Variants in OR2B11 observed in about 807,000 individuals in gnomAD.
The protein encoded by OR2B11 is olfactory receptor family 2 subfamily B member 11, also known as olfactory receptor 2B11.
For missense variants in OR2B11, 422 were observed against 400.0 expected (o/e 1.05, Z -0.47); for synonymous variants, 198 against 174.5 (o/e 1.13, Z -1.06).
chr1:247,451,623 G>A lies in OR2B11; in HGVS notation c.360C>T (p.Ala120=), dbSNP rs73140588. ...CCACGTAGCGGTCCAGGGCCATGGC[G>A]GCCAGGACGATGCACTCCGTGCATC... ...WLGCTECIVL[A]AMALDRYVAI... is the part of the protein sequence containing the mutation. The change falls in exon 2 of 2, where the codon GCC becomes GCT. Residue 120 remains alanine (A), a synonymous_variant. Coordinates refer to ENST00000641149, the MANE Select transcript of OR2B11 (RefSeq NM_001004492.2). 1.4e-4 allele frequency: 223 copies of A among 1,614,032 alleles called. No individual in the cohort carries two copies. In the African/African-American group the frequency reaches 2.6e-3, roughly 19 times the overall value.
chr1:247,457,305 T>A (rs1337592876), intron 1 of OR2B11, among the ~76,000 whole-genome samples: 1 of 152,232 alleles, frequency 6.6e-6, no homozygotes, highest in South Asian at 2.1e-4. Context: ...GTGACTGTGA[T>A]TCAGCAGCCT....
chr1:247,451,654 C>T lies in OR2B11; in HGVS notation c.329G>A (p.Trp110Ter), dbSNP rs1664850189. ...GACGATGCACTCCGTGCATCCCAGCCAGTGGAAGACTGCATATTGCACAGT... is the reference window on the plus strand; with the variant it reads ...GACGATGCACTCCGTGCATCCCAGCTAGTGGAAGACTGCATATTGCACAGT... ...GCTVQYAVFH[W>*]LGCTECIVLA... The change falls in exon 2 of 2, where the codon TGG becomes TAG. Residue 110 changes from tryptophan (W) to a stop codon, truncating the protein, a stop_gained. Transcript: ENST00000641149. LOFTEE classifies it low-confidence loss of function (END_TRUNC). 1.9e-6 allele frequency: 3 copies of T among 1,614,186 alleles called. No individual in the cohort carries two copies. Among genetic ancestry groups the T allele is most frequent in the South Asian group, 1.1e-5 (1 of 91,090 alleles).
Position 247,451,796 on chromosome 1 carries a change from T to C in OR2B11, c.187A>G (p.Met63Val), listed in dbSNP as rs200595761. Residue 63 changes from methionine to valine, a missense_variant, in exon 2 of 2, where the codon ATG becomes GTG. Coordinates refer to ENST00000641149, the MANE Select transcript of OR2B11 (RefSeq NM_001004492.2). ...SRVDPQLHSPMYIFLSHLSFL... is the reference protein window; with the variant it reads ...SRVDPQLHSPVYIFLSHLSFL... ...GACAGGTGACTGAGGAAGATGTACATGGGGCTGTGGAGTTGAGGATCCACC... is the reference window on the plus strand; with the variant it reads ...GACAGGTGACTGAGGAAGATGTACACGGGGCTGTGGAGTTGAGGATCCACC... 20 of 1,614,120 alleles carry C rather than the reference T, an allele frequency of 1.2e-5. No individual in the cohort carries two copies. The East Asian group carries it at 2.5e-4, about 20-fold the overall frequency.
In OR2B11 at chr1:247,451,559, G is replaced by A. The variant is rs1176606734; in HGVS notation, c.424C>T (p.Arg142Cys). 3.7e-6 allele frequency: 6 copies of A among 1,614,002 alleles called. No homozygotes were observed. Among genetic ancestry groups the A allele is most frequent in the African/African-American group, 1.3e-5 (1 of 75,068 alleles). The part of the protein sequence containing the change: ...KPLHYAVLMH[R>C]ALCQQLVALA... ...GCCACGAGCTGCTGACAGAGAGCAC[G>A]GTGCATGAGAACGGCATAGTGCAGG... is the stretch of plus-strand genomic sequence containing the variant. The change falls in exon 2 of 2, where the codon CGT (arginine) becomes TGT (cysteine). Residue 142 changes from arginine to cysteine, a missense_variant. By Grantham distance (180) the Arg-to-Cys change is radical. Coordinates refer to ENST00000641149, the MANE Select transcript of OR2B11 (RefSeq NM_001004492.2).
rs12405421 is a variant in OR2B11, at chr1:247,450,266, A to G, written c.*763T>C. On this transcript the variant is annotated 3_prime_UTR_variant, in exon 2 of 2. Coordinates refer to ENST00000641149, the MANE Select transcript of OR2B11 (RefSeq NM_001004492.2). The stretch of plus-strand genomic sequence containing the variant: ...CTCCCAAAGTGCTGGGATTACAGGC[A>G]TGAGCCACTGCGCCCAGATGGTTCC... 5,066 of 152,348 alleles carry G rather than the reference A, an allele frequency of 0.033. 137 individuals carry two copies. The highest frequency in any genetic ancestry group is 0.067 in the Admixed American group (1,029 of 15,300). The allele number at this position is 152,348 out of a possible 1,614,324, so 9.4% of individuals were successfully genotyped here.
In OR2B11 at chr1:247,452,016, A is replaced by G. The variant is rs1664860888; in HGVS notation, c.-34T>C. 1 of 1,332,054 alleles carries G rather than the reference A, an allele frequency of 7.5e-7. No homozygotes were observed. Among genetic ancestry groups the G allele is most frequent in the Admixed American group, 1.7e-5 (1 of 58,434 alleles). 82.5% of individuals were successfully genotyped at this position (1,332,054 alleles called of 1,614,324 possible). On this transcript the variant is annotated 5_prime_UTR_variant, in exon 2 of 2. Coordinates refer to ENST00000641149, the MANE Select transcript of OR2B11 (RefSeq NM_001004492.2). ...ATTTTCTGGCACTTGTGGCAAATTG[A>G]GAAAATTGGAATGAATAATACCTGA...
chr1:247,455,433 T>C (rs1027215024), intron 1 of OR2B11, among the ~76,000 whole-genome samples: 2 of 152,232 alleles, frequency 1.3e-5, no homozygotes, highest in Non-Finnish European at 2.9e-5. Context: ...CAAGGCTTAA[T>C]GATAGCAGTA....
rs1468395821 is a variant in OR2B11, at chr1:247,451,273, C to T, written c.710G>A (p.Gly237Glu). The T allele has an allele frequency of 1.2e-6, 2 of 1,613,978 alleles. No individual in the cohort carries two copies. The highest frequency in any genetic ancestry group is 1.7e-6 in the Non-Finnish European group (2 of 1,179,912). ...ACACGTCCCAAAGGCCTTGTGTCGT[C>T]CCTTGGAGGACTGGATCCTGAGCAC... ...RAVLRIQSSK[G>E]RHKAFGTCSS... Residue 237 changes from glycine to glutamate, a missense_variant, in exon 2 of 2, where the codon GGA (glycine) becomes GAA (glutamate). Coordinates refer to ENST00000641149, the MANE Select transcript of OR2B11 (RefSeq NM_001004492.2).
rs116087588 is a variant in OR2B11, at chr1:247,454,733, G to A, written c.-2751C>T. 811 of 152,314 alleles carry A rather than the reference G, an allele frequency of 5.3e-3. 6 individuals are homozygous for A. The highest frequency in any genetic ancestry group is 0.01 in the Non-Finnish European group (683 of 68,056). 9.4% of individuals were successfully genotyped at this position (152,314 alleles called of 1,614,324 possible). Reference sequence around the variant, plus strand: ...TGTGATCCCACCACAATGTTGCATCGTTGCAGGCACGCACTGTCTGTATCC... The same window carrying A: ...TGTGATCCCACCACAATGTTGCATCATTGCAGGCACGCACTGTCTGTATCC... On this transcript the variant is annotated 5_prime_UTR_variant, in exon 2 of 2. In the 5' UTR this introduces an upstream ATG that the reference lacks. Transcript: ENST00000641149.
chr1:247,452,144 A>T lies in OR2B11; in HGVS notation c.-162T>A, dbSNP rs1387234017. ...CCTCTGTGGAGACGCTGGGATGCGGAAGGGTCAGAACCAGGAGCCCCAGTA... is the reference window on the plus strand; with the variant it reads ...CCTCTGTGGAGACGCTGGGATGCGGTAGGGTCAGAACCAGGAGCCCCAGTA... On this transcript the variant is annotated 5_prime_UTR_variant, in exon 2 of 2. Coordinates refer to ENST00000641149, the MANE Select transcript of OR2B11 (RefSeq NM_001004492.2). The T allele has an allele frequency of 1.7e-6, 1 of 605,152 alleles. No homozygotes were observed. The highest frequency in any genetic ancestry group is 2.9e-6 in the Non-Finnish European group (1 of 342,108). The allele number at this position is 605,152 out of a possible 1,614,324, so 37.5% of individuals were successfully genotyped here. A position where few individuals can be genotyped will look rare whatever the true frequency, so the allele number is the denominator to read the frequency against.
chr1:247,456,592 T>A (rs543344695), intron 1 of OR2B11, among the ~76,000 whole-genome samples: 1 of 150,932 alleles, frequency 6.6e-6, no homozygotes, highest in Non-Finnish European at 1.5e-5. Context: ...TTTAGGGAGA[T>A]TGTAATTACT....
chr1:247,456,610 CT>C (rs147417409), intron 1 of OR2B11, among the ~76,000 whole-genome samples: 25,848 of 143,154 alleles, frequency 0.18, 2,636 homozygotes, highest in African/African-American at 0.31. Context: ...ACTTTTTTTT[CT>C]TTTTTTTTTT....
chr1:247,453,029 C>CTCCTACAA lies in OR2B11; in HGVS notation c.-1055_-1048dup. The CTCCTACAA allele has an allele frequency of 6.6e-6, 1 of 152,328 alleles. No homozygotes were observed. Among genetic ancestry groups the CTCCTACAA allele is most frequent in the South Asian group, 2.1e-4 (1 of 4,828 alleles). The allele number at this position is 152,328 out of a possible 1,614,324, so 9.4% of individuals were successfully genotyped here. A position where few individuals can be genotyped will look rare whatever the true frequency, so the allele number is the denominator to read the frequency against. ...TTCGACTGCACCATTGGCTTCTCAC[C>CTCCTACAA]TCCTACAATCGCTCAAGCATTGCAC... On this transcript the variant is annotated 5_prime_UTR_variant, in exon 2 of 2. Coordinates refer to ENST00000641149, the MANE Select transcript of OR2B11 (RefSeq NM_001004492.2).
rs1236944796 is a variant in OR2B11, at chr1:247,450,119, C to T, written c.*910G>A. On this transcript the variant is annotated 3_prime_UTR_variant, in exon 2 of 2. Transcript: ENST00000641149. ...TTCTCTGCCTCAGCCTCCTGAGTAG[C>T]TGGGATTACAGGCGTGTGCCACCAT... 2.0e-5 allele frequency: 3 copies of T among 152,220 alleles called. No individual in the cohort carries two copies. Among genetic ancestry groups the T allele is most frequent in the African/African-American group, 7.2e-5 (3 of 41,428 alleles). The allele number at this position is 152,220 out of a possible 1,614,324, so 9.4% of individuals were successfully genotyped here.
Position 247,452,199 on chromosome 1 carries a change from A to T in OR2B11, c.-217T>A. The stretch of plus-strand genomic sequence containing the variant: ...CCTCTGTGTCTTTGCTCTCCTTCCT[A>T]CTCAGTGGCCGCAACTAAACCATTT... On this transcript the variant is annotated 5_prime_UTR_variant, in exon 2 of 2. Transcript: ENST00000641149. 1 of 547,798 alleles carries T rather than the reference A, an allele frequency of 1.8e-6. No homozygotes were observed. The highest frequency in any genetic ancestry group is 3.1e-5 in the Admixed American group (1 of 32,054). The allele number at this position is 547,798 out of a possible 1,614,324, so 33.9% of individuals were successfully genotyped here. A position where few individuals can be genotyped will look rare whatever the true frequency, so the allele number is the denominator to read the frequency against.
chr1:247,449,376 G>A lies in OR2B11; in HGVS notation c.*1653C>T, dbSNP rs1664788530. ...TGCATCTTGCTTTCAGTTGATAACAGCTTATTTTGGATTTATCCCATCCGA... is the reference window on the plus strand; with the variant it reads ...TGCATCTTGCTTTCAGTTGATAACAACTTATTTTGGATTTATCCCATCCGA... On this transcript the variant is annotated 3_prime_UTR_variant, in exon 2 of 2. Transcript: ENST00000641149. 1 of 152,178 alleles carries A rather than the reference G, an allele frequency of 6.6e-6. No homozygotes were observed. The highest frequency in any genetic ancestry group is 1.5e-5 in the Non-Finnish European group (1 of 68,022). The allele number at this position is 152,178 out of a possible 1,614,324, so 9.4% of individuals were successfully genotyped here. A position where few individuals can be genotyped will look rare whatever the true frequency, so the allele number is the denominator to read the frequency against.
At position 247,454,293 on chromosome 1, in the gene OR2B11, G is replaced by GT. The variant is rs1664914349; in HGVS notation, c.-2312dup. The GT allele has an allele frequency of 6.6e-6, 1 of 152,578 alleles. No individual in the cohort carries two copies. Among genetic ancestry groups the GT allele is most frequent in the South Asian group, 2.1e-4 (1 of 4,836 alleles). The allele number at this position is 152,578 out of a possible 1,614,324, so 9.5% of individuals were successfully genotyped here. A position where few individuals can be genotyped will look rare whatever the true frequency, so the allele number is the denominator to read the frequency against. ...CTGGATCTGATGCCCTTCTGTTCAG[G>GT]TGTTTCCACACGGAGCTTTCGTAGG... On this transcript the variant is annotated 5_prime_UTR_variant, in exon 2 of 2. The change creates a premature stop within an existing upstream ORF in the 5' untranslated region. Coordinates refer to ENST00000641149, the MANE Select transcript of OR2B11 (RefSeq NM_001004492.2).
chr1:247,451,355 A>T lies in OR2B11; in HGVS notation c.628T>A (p.Phe210Ile). Reference protein sequence around the residue: ...DTILAVLVAFFVLVPLALILL... With the variant: ...DTILAVLVAFIVLVPLALILL... Reference sequence around the variant, plus strand: ...ATGAGAGCCAGGGGCACCAACACGAAGAAGGCCACCAGCACAGCCAGTATG... The same window carrying T: ...ATGAGAGCCAGGGGCACCAACACGATGAAGGCCACCAGCACAGCCAGTATG... The change falls in exon 2 of 2, where the codon TTC becomes ATC. Residue 210 changes from phenylalanine to isoleucine, a missense_variant. Coordinates refer to ENST00000641149, the MANE Select transcript of OR2B11 (RefSeq NM_001004492.2). 1 of 1,614,116 alleles carries T rather than the reference A, an allele frequency of 6.2e-7. No homozygotes were observed. The highest frequency in any genetic ancestry group is 1.3e-5 in the African/African-American group (1 of 74,982).
Position 247,453,259 on chromosome 1 carries a change from C to T in OR2B11, c.-1277G>A, listed in dbSNP as rs1196689023. On this transcript the variant is annotated 5_prime_UTR_variant, in exon 2 of 2. Coordinates refer to ENST00000641149, the MANE Select transcript of OR2B11 (RefSeq NM_001004492.2). ...AGCTTACATGTTGCAACAGGTGTTCCCTGCTGCCCCAGTTGATGTTCTGAA... is the reference window on the plus strand; with the variant it reads ...AGCTTACATGTTGCAACAGGTGTTCTCTGCTGCCCCAGTTGATGTTCTGAA... 1 of 152,160 alleles carries T rather than the reference C, an allele frequency of 6.6e-6. No homozygotes were observed. Among genetic ancestry groups the T allele is most frequent in the East Asian group, 1.9e-4 (1 of 5,206 alleles). The allele number at this position is 152,160 out of a possible 1,614,324, so 9.4% of individuals were successfully genotyped here.
Sources: allele counts gnomAD v4.1 joint callset (sites outside exome capture counted in the v4.1 genomes callset), GRCh38; gene constraint gnomAD v4.1.1; transcripts MANE v1.5; gene names NCBI Gene and HGNC (gene_info 2026-07-23, HGNC 2026-07-21).